Variants in FAT1 observed in about 807,000 individuals in gnomAD.
FAT1 encodes the protein FAT atypical cadherin 1, also known as protocadherin Fat 1.
FAT1 carries 171 observed loss-of-function variants against 329.8 expected under a neutral mutation model. The ratio of observed to expected loss-of-function variants is 0.52; its 90% CI spans 0.46 to 0.59. The LOEUF (loss-of-function observed/expected upper bound fraction) is 0.59, where lower values mean the gene tolerates loss of function less well. Among genes scored for constraint, FAT1 ranks in the 20% least tolerant of loss-of-function variants. FAT1 has a pLI of 0.00. For synonymous variants in FAT1, 2,233 were observed against 2,228.6 expected (o/e 1.00, Z -0.06); for missense variants, 5,672 against 5,774.4 (o/e 0.98, Z 0.57).
intron 3 of FAT1, among the ~76,000 whole-genome samples, chr4:186,653,808 G>A (rs528916992): frequency 3.9e-4 from 60 of 152,284 alleles, no homozygotes; most frequent in African/African-American, 1.4e-3. Context: ...ACGGCTGAGT[G>A]GTGTGACAGA....
At chr4:186,672,759 A>C (rs935403557) in intron 2 of FAT1, among the ~76,000 whole-genome samples, 43 of 152,216 alleles carry the variant, frequency 2.8e-4, no homozygotes, top group African/African-American at 9.9e-4. Context: ...CAACCCTAAA[A>C]GTCAGGTTCC....
chr4:186,714,655 G>C (rs1745123836), intron 1 of FAT1, among the ~76,000 whole-genome samples: 1 of 152,198 alleles, frequency 6.6e-6, no homozygotes, highest in Non-Finnish European at 1.5e-5. Context: ...GGCCCTGACA[G>C]GGGAGATGTC....
intron 9 of FAT1, among the ~76,000 whole-genome samples, chr4:186,624,949 C>T (rs1224110860): frequency 2.6e-5 from 4 of 152,160 alleles, no homozygotes; most frequent in Non-Finnish European, 5.9e-5. Context: ...TTTTATATTA[C>T]CAAAACTATA....
chr4:186,688,038 T>C (rs1743556670), intron 2 of FAT1, among the ~76,000 whole-genome samples: 1 of 151,902 alleles, frequency 6.6e-6, no homozygotes, highest in Non-Finnish European at 1.5e-5. Context: ...TACTGCCTTT[T>C]TATTGGAAAT....
rs556883516 is a variant in FAT1 at position 186,628,857 on chromosome 4, C to T, written c.4324-94G>A. On this transcript the variant is annotated intron_variant, in intron 7 of 26. Coordinates refer to ENST00000441802, the MANE Select transcript of FAT1 (RefSeq NM_005245.4). ...TGAACGAAAGTCATGTATATTGAAA[C>T]GATACTGTGGCAAAATAAAATACGA... 127 of 1,244,398 alleles carry T rather than the reference C, an allele frequency of 1.0e-4. 3 individuals are homozygous for T. Among genetic ancestry groups the T allele is most frequent in the South Asian group, 8.8e-4 (57 of 64,736 alleles). 77.1% of individuals were successfully genotyped at this position (1,244,398 alleles called of 1,614,324 possible).
chr4:186,597,460 T>C (rs184317835), intron 24 of FAT1, among the ~76,000 whole-genome samples: 30 of 152,286 alleles, frequency 2.0e-4, no homozygotes, highest in Admixed American at 1.7e-3. Flanking sequence ...ATCAACCCCA[T>C]TGGCTAAACA....
chr4:186,721,546 G>GC (rs1309443952), intron 1 of FAT1, among the ~76,000 whole-genome samples: 7 of 152,196 alleles, frequency 4.6e-5, no homozygotes, highest in African/African-American at 1.7e-4. Flanking sequence ...CAGCCTTACG[G>GC]CTCCCTGCTA....
At chr4:186,602,867 T>A in intron 20 of FAT1, 36 bp downstream of exon 20, 1 of 1,571,522 alleles carries the variant, frequency 6.4e-7, no homozygotes, top group East Asian at 2.3e-5. Context: ...AACCGATTTT[T>A]AAAAATAAAA....
intron 21 of FAT1, 41 bp from the exon 22 acceptor site, chr4:186,600,401 A>G: frequency 1.3e-6 from 2 of 1,514,486 alleles, no homozygotes; most frequent in Non-Finnish European, 9.0e-7. Context: ...CTCTCATAGA[A>G]CCTTCAATGA....
intron 3 of FAT1, among the ~76,000 whole-genome samples, chr4:186,652,656 G>A (rs1449778929): frequency 6.6e-6 from 1 of 152,026 alleles, no homozygotes; most frequent in Non-Finnish European, 1.5e-5. Flanking sequence ...ATGAATTCCT[G>A]CCATTGAAAT....
intron 7 of FAT1, among the ~76,000 whole-genome samples, chr4:186,629,472 AC>A (rs1216989766): frequency 2.0e-5 from 3 of 152,280 alleles, no homozygotes; most frequent in African/African-American, 7.2e-5. Flanking sequence ...TTAGAAACAA[AC>A]AAAACTTTGA....
In FAT1 at chr4:186,611,830, T is replaced by C; in HGVS notation, c.9464-55A>G. The C allele has an allele frequency of 7.4e-6, 10 of 1,355,268 alleles. No individual in the cohort carries two copies. In the South Asian group the frequency reaches 9.0e-5, roughly 12 times the overall value. The allele number at this position is 1,355,268 out of a possible 1,614,324, so 84.0% of individuals were successfully genotyped here. A position where few individuals can be genotyped will look rare whatever the true frequency, so the allele number is the denominator to read the frequency against. On this transcript the variant is annotated intron_variant, in intron 13 of 26. Transcript: ENST00000441802. Reference sequence around the variant, plus strand: ...TTTTAAATAAAAAAGTTTAACACTTTTTTTTTTTTTTGAGATGGAGTCTCC... The same window carrying C: ...TTTTAAATAAAAAAGTTTAACACTTCTTTTTTTTTTTGAGATGGAGTCTCC...
rs2126510839 is a variant in FAT1, at chr4:186,619,955, C to G, written c.6631G>C (p.Gly2211Arg). ...GTGATGCTGTAGAACACTTTCAGGC[C>G]TTCCGGGCTGTTAGCCTGCACGTGG... ...VVHVQANSPEGLKVFYSITDG... is the reference protein window; with the variant it reads ...VVHVQANSPERLKVFYSITDG... Residue 2211 changes from glycine to arginine, a missense_variant, in exon 10 of 27, where the codon GGC becomes CGC. Coordinates refer to ENST00000441802, the MANE Select transcript of FAT1 (RefSeq NM_005245.4). 1 of 1,613,972 alleles carries G rather than the reference C, an allele frequency of 6.2e-7. No homozygotes were observed. Among genetic ancestry groups the G allele is most frequent in the Non-Finnish European group, 8.5e-7 (1 of 1,179,888 alleles).
intron 11 of FAT1, among the ~76,000 whole-genome samples, chr4:186,616,423 A>G (rs943376918): frequency 7.3e-5 from 11 of 151,464 alleles, no homozygotes; most frequent in African/African-American, 2.7e-4. Flanking sequence ...CGACCCACTT[A>G]CTGCCCCCCG....
chr4:186,688,644 ACCC>A (rs55969318), intron 2 of FAT1, among the ~76,000 whole-genome samples: 2 of 123,460 alleles, frequency 1.6e-5, no homozygotes, highest in Non-Finnish European at 3.3e-5. Context: ...CAGCAAGAGT[ACCC>A]CCCCCGCCCC....
rs767669250 is a variant in FAT1, at chr4:186,619,551, G to C, written c.7035C>G (p.Leu2345=). ...VDSSTGLISL[L]RTLDYEQSRQ... is the part of the protein sequence containing the mutation. ...GGGACTGCTCGTAATCCAGGGTTCT[G>C]AGTAGTGAGATGAGGCCAGTGCTGC... Residue 2345 remains leucine (L), a synonymous_variant, in exon 10 of 27, where the codon CTC becomes CTG. Transcript: ENST00000441802. The C allele has an allele frequency of 1.7e-5, 28 of 1,613,808 alleles. No homozygotes were observed. The highest frequency in any genetic ancestry group is 2.3e-5 in the Non-Finnish European group (27 of 1,179,902).
intron 2 of FAT1, among the ~76,000 whole-genome samples, chr4:186,669,937 T>C (rs1471258342): frequency 2.0e-5 from 3 of 151,984 alleles, no homozygotes; most frequent in African/African-American, 7.3e-5. Context: ...TGTTAAGGAA[T>C]AGTCCTTGAT....
At chr4:186,702,700 C>T (rs1187231719) in intron 2 of FAT1, among the ~76,000 whole-genome samples, 1 of 152,204 alleles carries the variant, frequency 6.6e-6, no homozygotes, top group Non-Finnish European at 1.5e-5. Context: ...TACACATCAG[C>T]TAAGAACACT....
At position 186,618,045 on chromosome 4, in the gene FAT1, G is replaced by T. The variant is rs772702328; in HGVS notation, c.8541C>A (p.Ser2847Arg). 6.2e-7 allele frequency: 1 copy of T among 1,613,988 alleles called. No individual in the cohort carries two copies. The highest frequency in any genetic ancestry group is 8.5e-7 in the Non-Finnish European group (1 of 1,179,890). The change falls in exon 10 of 27, where the codon AGC (serine) becomes AGA (arginine). Residue 2847 changes from serine to arginine, a missense_variant. By Grantham distance (110) the Ser-to-Arg change is moderately radical. Coordinates refer to ENST00000441802, the MANE Select transcript of FAT1 (RefSeq NM_005245.4). ...CTTCCACACTTTGTGACTGATCCAG[G>T]CTATACATAACTTGGCCGTTGGTTC... is the stretch of plus-strand genomic sequence containing the variant. ...DSGTNGQVMY[S>R]LDQSQSVEVI... is the part of the protein sequence containing the mutation.
Sources: allele counts gnomAD v4.1 joint callset (sites outside exome capture counted in the v4.1 genomes callset), GRCh38; gene constraint gnomAD v4.1.1; transcripts MANE v1.5; gene names NCBI Gene and HGNC (gene_info 2026-07-23, HGNC 2026-07-21).